FGD6: variants seen among roughly 807,000 people sequenced by gnomAD.
The protein encoded by FGD6 is FYVE, RhoGEF and PH domain-containing protein 6.
Under a neutral mutation model 149.4 loss-of-function variants are expected in FGD6, and 90 were observed. The ratio of observed to expected loss-of-function variants is 0.60; its 90% CI spans 0.51 to 0.72. The LOEUF is 0.72. Ranked by LOEUF, FGD6 falls within the 30% of genes least tolerant of loss-of-function variation. The pLI is 0.00. For missense variants in FGD6, 1,437 were observed against 1,684.8 expected, an observed-to-expected ratio of 0.85 and a Z score of 2.57; for synonymous variants, 527 against 584.0, an observed-to-expected ratio of 0.90 and a Z score of 1.41.
rs1877645600 is a variant in FGD6 at position 95,080,686 on chromosome 12, A to G, written c.*834T>C. On this transcript the variant is annotated 3_prime_UTR_variant, in exon 21 of 21. Transcript: ENST00000343958. ...TTGGGCTCAGAACTCTTATAATAGCAGGGAATATTATGTGACATAATGCTT... is the reference window on the plus strand; with the variant it reads ...TTGGGCTCAGAACTCTTATAATAGCGGGGAATATTATGTGACATAATGCTT... 1 of 152,228 alleles carries G rather than the reference A, an allele frequency of 6.6e-6. No individual in the cohort carries two copies. The highest frequency in any genetic ancestry group is 1.5e-5 in the Non-Finnish European group (1 of 68,034). 9.4% of individuals were successfully genotyped at this position (152,228 alleles called of 1,614,324 possible).
At chr12:95,127,426 C>T (rs1211445332) in intron 8 of FGD6, among the ~76,000 whole-genome samples, 3 of 152,152 alleles carry the variant, frequency 2.0e-5, no homozygotes, top group Admixed American at 1.3e-4. Flanking sequence ...TGCCTGTAGT[C>T]CCAGCTACTC....
chr12:95,193,566 T>C (rs1881653927), intron 2 of FGD6, among the ~76,000 whole-genome samples: 1 of 150,778 alleles, frequency 6.6e-6, no homozygotes, highest in Non-Finnish European at 1.5e-5. Context: ...TCTCACTCTG[T>C]TGCCCAGGCT....
At position 95,107,576 on chromosome 12, in the gene FGD6, C is replaced by G. The variant is rs146989434; in HGVS notation, c.3320G>C (p.Arg1107Pro). ...MKLSRKVMQP[R>P]MFFLFNDALL... ...AAGTCCTCTTACCAGGAAAAACATT[C>G]GAGGTTGCATCACTTTCCGAGACAG... Residue 1107 changes from arginine (R) to proline (P), a missense_variant, in exon 12 of 21, where the codon CGA (arginine) becomes CCA (proline). This residue lies in a region of FGD6 where 382 missense variants were observed against 538.7 expected (regional missense o/e 0.71). Transcript: ENST00000343958. 11 of 1,613,952 alleles carry G rather than the reference C, an allele frequency of 6.8e-6. No individual in the cohort carries two copies. The East Asian group carries it at 1.8e-4, about 26-fold the overall frequency.
At position 95,137,655 on chromosome 12, in the gene FGD6, T is replaced by C. The variant is rs200945579; in HGVS notation, c.2861A>G (p.Asp954Gly). The change falls in exon 7 of 21, where the codon GAT (aspartate) becomes GGT (glycine). Residue 954 changes from aspartate to glycine, a missense_variant. This residue lies in a region of FGD6 where 1,055 missense variants were observed against 1,146.0 expected (regional missense o/e 0.92). Coordinates refer to ENST00000343958, the MANE Select transcript of FGD6 (RefSeq NM_018351.4). ...ATATGGTCCCTTCTTTACAAAGATA[T>C]CAGCAATTCTTTGTTGTTCAGTCCT... ...LHWTEQQRIA[D>G]IFVKKGPYLK... 1.1e-5 allele frequency: 18 copies of C among 1,603,550 alleles called. No individual in the cohort carries two copies. Among genetic ancestry groups the C allele is most frequent in the South Asian group, 4.5e-5 (4 of 88,372 alleles).
intron 3 of FGD6, among the ~76,000 whole-genome samples, chr12:95,163,580 G>T (rs1880709471): frequency 6.6e-6 from 1 of 152,212 alleles, no homozygotes; most frequent in East Asian, 1.9e-4. Context: ...AAGCAAATGT[G>T]TATAAGGATG....
chr12:95,139,402 C>G (rs1290124765), intron 6 of FGD6, among the ~76,000 whole-genome samples: 6 of 149,632 alleles, frequency 4.0e-5, no homozygotes, highest in Non-Finnish European at 7.4e-5. Flanking sequence ...GGTCACACCA[C>G]TGAACTCTGG....
At chr12:95,100,542 G>A (rs1185155077) in intron 14 of FGD6, 7 of 353,208 alleles carry the variant, frequency 2.0e-5, no homozygotes, top group African/African-American at 2.4e-5. Context: ...CTCCCAACTC[G>A]GAGGCTAATC....
At chr12:95,097,784 G>T (rs528119368) in intron 14 of FGD6, among the ~76,000 whole-genome samples, 1 of 152,210 alleles carries the variant, frequency 6.6e-6, no homozygotes, top group African/African-American at 2.4e-5. Flanking sequence ...ACTAAGCCAG[G>T]ACCTAAGCCA....
intron 1 of FGD6, among the ~76,000 whole-genome samples, chr12:95,215,458 A>G (rs558157936): frequency 6.6e-6 from 1 of 152,312 alleles, no homozygotes; most frequent in East Asian, 1.9e-4. Flanking sequence ...TACATATAAG[A>G]ATGGGTAGAA....
chr12:95,145,506 T>C (rs577496883), intron 5 of FGD6, among the ~76,000 whole-genome samples: 6 of 152,238 alleles, frequency 3.9e-5, no homozygotes, highest in South Asian at 4.1e-4. Flanking sequence ...CCTCTTAAGT[T>C]GGTTTAGCCA....
rs955677528 is a variant in FGD6, at chr12:95,077,979, G to T, written c.*3541C>A. On this transcript the variant is annotated 3_prime_UTR_variant, in exon 21 of 21. Transcript: ENST00000343958. Reference sequence around the variant, plus strand: ...CAGGTTATAATGTGGATATTTTCAGGCTGTGTTGGAGTTGTAGATGACAAG... The same window carrying T: ...CAGGTTATAATGTGGATATTTTCAGTCTGTGTTGGAGTTGTAGATGACAAG... The T allele has an allele frequency of 2.0e-5, 3 of 152,146 alleles. No individual in the cohort carries two copies. The South Asian group carries it at 6.2e-4, about 32-fold the overall frequency. The allele number at this position is 152,146 out of a possible 1,614,324, so 9.4% of individuals were successfully genotyped here.
intron 9 of FGD6, 147 bp from the exon 10 acceptor site, chr12:95,108,708 T>C (rs1381141891): frequency 4.4e-6 from 4 of 905,128 alleles, no homozygotes; most frequent in Middle Eastern, 2.8e-4. Context: ...GGCAGAAATA[T>C]AAGGTTCAAT....
intron 3 of FGD6, among the ~76,000 whole-genome samples, chr12:95,170,893 A>G (rs1357115690): frequency 2.0e-5 from 3 of 152,180 alleles, no homozygotes; most frequent in Non-Finnish European, 4.4e-5. Context: ...TTAAGAAGAG[A>G]GTCACTCATC....
intron 2 of FGD6, among the ~76,000 whole-genome samples, chr12:95,191,193 A>G (rs150133613): frequency 5.3e-4 from 80 of 152,314 alleles, no homozygotes; most frequent in Non-Finnish European, 9.1e-4. Context: ...TTTAGACTCC[A>G]TGCTTTCTTT....
In FGD6 at chr12:95,209,325, T is replaced by C. The variant is rs745840833; in HGVS notation, c.1959A>G (p.Gln653=). 4.3e-6 allele frequency: 7 copies of C among 1,613,432 alleles called. No individual in the cohort carries two copies. Among genetic ancestry groups the C allele is most frequent in the Non-Finnish European group, 5.9e-6 (7 of 1,179,716 alleles). Residue 653 remains glutamine (Q), a synonymous_variant, in exon 2 of 21, where the codon CAA becomes CAG. Coordinates refer to ENST00000343958, the MANE Select transcript of FGD6 (RefSeq NM_018351.4). Reference sequence around the variant, plus strand: ...GGTGGCCTGTGGTGGTGTCTCCGAGTTGGCTACTCTTGGACCAAAATTTTT... The same window carrying C: ...GGTGGCCTGTGGTGGTGTCTCCGAGCTGGCTACTCTTGGACCAAAATTTTT... ...DFQKFWSKSS[Q]LGDTTTGHLS...
intron 3 of FGD6, among the ~76,000 whole-genome samples, chr12:95,153,445 TGA>T (rs1880368083): frequency 6.6e-6 from 1 of 152,138 alleles, no homozygotes; most frequent in South Asian, 2.1e-4. Flanking sequence ...GTGGATCACC[TGA>T]GGTTGGGAGT....
chr12:95,211,487 T>C (rs931017420), intron 1 of FGD6, among the ~76,000 whole-genome samples: 2 of 152,098 alleles, frequency 1.3e-5, no homozygotes, highest in African/African-American at 4.8e-5. Flanking sequence ...ATAAATCCAA[T>C]ACAGTTTGTT....
At chr12:95,151,226 A>T (rs1485027267) in intron 5 of FGD6, among the ~76,000 whole-genome samples, 1 of 152,114 alleles carries the variant, frequency 6.6e-6, no homozygotes, top group Non-Finnish European at 1.5e-5. Context: ...TTTTTAAAGA[A>T]TTTCCAAAGC....
At chr12:95,178,035 G>A (rs1210860085) in intron 2 of FGD6, among the ~76,000 whole-genome samples, 1 of 151,568 alleles carries the variant, frequency 6.6e-6, no homozygotes, top group Admixed American at 6.6e-5. Context: ...CAAAGTGCTG[G>A]GATGACAGCA....
Sources: allele counts gnomAD v4.1 joint callset (sites outside exome capture counted in the v4.1 genomes callset), GRCh38; gene constraint gnomAD v4.1.1; regional missense constraint gnomAD v4.1.1; transcripts MANE v1.5; gene names NCBI Gene and HGNC (gene_info 2026-07-23, HGNC 2026-07-21).